The following RP1 variants were observed in gnomAD, a reference collection of about 807,000 sequenced individuals.
RP1 encodes the protein oxygen-regulated protein 1.
In RP1, 16 loss-of-function variants were observed where a neutral mutation model predicts 14.8. That is an observed-to-expected ratio of 1.08 (90% CI 0.73 to 1.65). RP1 has a LOEUF of 1.65. Among genes scored for constraint, RP1 ranks in the 40% most tolerant of loss-of-function variants. The probability of loss-of-function intolerance (pLI) is 0.00; values close to 1 mark genes in which losing one functional copy is unlikely to be tolerated. For missense variants in RP1, 2,631 were observed against 2,535.0 expected (o/e 1.04, Z -0.81); for synonymous variants, 876 against 883.6 (o/e 0.99, Z 0.15).
At chr8:54,814,854 GCA>G in intron 24 of RP1, among the ~76,000 whole-genome samples, 1 of 152,196 alleles carries the variant, frequency 6.6e-6, no homozygotes, top group East Asian at 1.9e-4. Context: ...ACACCAACAT[GCA>G]CACACTCTCT....
chr8:54,765,648 T>C (rs1809742839), intron 22 of RP1, among the ~76,000 whole-genome samples: 1 of 152,220 alleles, frequency 6.6e-6, no homozygotes, highest in South Asian at 2.1e-4. Flanking sequence ...TCCAGGGATA[T>C]TGTTACTCTT....
At chr8:54,719,312 CA>C (rs1401066603) in intron 15 of RP1, among the ~76,000 whole-genome samples, 1 of 152,038 alleles carries the variant, frequency 6.6e-6, no homozygotes, top group Non-Finnish European at 1.5e-5. Flanking sequence ...AGAACAAGAA[CA>C]GAAGATAGAA....
At chr8:54,828,227 A>T (rs1209258324) in intron 24 of RP1, among the ~76,000 whole-genome samples, 1 of 152,244 alleles carries the variant, frequency 6.6e-6, no homozygotes, top group Non-Finnish European at 1.5e-5. Context: ...CCAGTAGCAT[A>T]GTCATTTATT....
At chr8:54,566,821 G>C (rs1804418806) in intron 1 of RP1, among the ~76,000 whole-genome samples, 2 of 152,136 alleles carry the variant, frequency 1.3e-5, no homozygotes, top group African/African-American at 4.8e-5. Context: ...ATTCACAAAG[G>C]GCTCAAACCA....
At chr8:54,599,513 C>T (rs1170191934) in intron 1 of RP1, among the ~76,000 whole-genome samples, 1 of 151,086 alleles carries the variant, frequency 6.6e-6, no homozygotes, top group Non-Finnish European at 1.5e-5. Context: ...GGCTGGAATG[C>T]GGTGGCACCG....
At chr8:54,602,385 C>T (rs1585541074) in intron 1 of RP1, among the ~76,000 whole-genome samples, 1 of 152,216 alleles carries the variant, frequency 6.6e-6, no homozygotes, top group South Asian at 2.1e-4. Flanking sequence ...TTTATGGCTG[C>T]ATAGTATTCC....
chr8:54,780,371 T>G (rs1810155753), intron 23 of RP1, among the ~76,000 whole-genome samples: 1 of 152,244 alleles, frequency 6.6e-6, no homozygotes, highest in Non-Finnish European at 1.5e-5. Context: ...ACATATAAAC[T>G]GTGTGGTTTG....
intron 17 of RP1, among the ~76,000 whole-genome samples, chr8:54,729,681 T>G (rs1808744515): frequency 6.6e-6 from 1 of 152,102 alleles, no homozygotes; most frequent in Admixed American, 6.6e-5. Flanking sequence ...TATATCATTT[T>G]GTAACCTTCT....
rs12056382 is a variant in RP1, at chr8:54,618,954, C to T, written c.-12-2001C>T. The stretch of plus-strand genomic sequence containing the variant: ...GGGATTGCACGTGTGAGCCACCACG[C>T]CCGGGCCTAAAGTCTTATTTAAATA... On this transcript the variant is annotated intron_variant, in intron 1 of 3. Coordinates refer to ENST00000220676, the MANE Select transcript of RP1 (RefSeq NM_006269.2). 2.5e-3 allele frequency among the ~76,000 whole-genome samples: 379 copies of T among 152,350 alleles called. 11 individuals carry two copies. In the East Asian group the frequency reaches 0.066, roughly 26 times the overall value.
downstream of RP1, among the ~76,000 whole-genome samples, chr8:54,634,537 G>T (rs910608629): frequency 6.6e-6 from 1 of 152,044 alleles, no homozygotes; most frequent in Non-Finnish European, 1.5e-5. Context: ...TTTCTTTTTT[G>T]TCCATTTCAA....
At chr8:54,746,556 T>G (rs752193688) in intron 19 of RP1, among the ~76,000 whole-genome samples, 2 of 152,166 alleles carry the variant, frequency 1.3e-5, no homozygotes, top group Non-Finnish European at 2.9e-5. Context: ...TAACTGAACA[T>G]AGACAGATAG....
At chr8:54,612,038 T>A (rs1266268073), upstream of RP1, among the ~76,000 whole-genome samples, 1 of 152,144 alleles carries the variant, frequency 6.6e-6, no homozygotes, top group Non-Finnish European at 1.5e-5. Flanking sequence ...CCTGAGCATA[T>A]GAGATGACTT....
At chr8:54,648,888 C>A in intron 3 of RP1, 1 of 749,810 alleles carries the variant, frequency 1.3e-6, no homozygotes, top group Non-Finnish European at 1.9e-6. Flanking sequence ...TAAGTTTTGT[C>A]TATCCTGAAC....
intron 12 of RP1, among the ~76,000 whole-genome samples, chr8:54,693,746 C>A (rs992065470): frequency 6.6e-6 from 1 of 152,134 alleles, no homozygotes; most frequent in Admixed American, 6.6e-5. Context: ...TCTAGATATA[C>A]AATCATGTCA....
At chr8:54,697,660 C>A (rs1807902697) in intron 12 of RP1, among the ~76,000 whole-genome samples, 1 of 152,072 alleles carries the variant, frequency 6.6e-6, no homozygotes, top group African/African-American at 2.4e-5. Context: ...GCTACAGAAA[C>A]CAAAACAGCA....
intron 24 of RP1, among the ~76,000 whole-genome samples, chr8:54,798,611 G>A (rs376870524): frequency 2.8e-4 from 42 of 152,214 alleles, no homozygotes; most frequent in African/African-American, 9.9e-4. Flanking sequence ...GACAACAGAG[G>A]CAAAAGATCA....
intron 24 of RP1, among the ~76,000 whole-genome samples, chr8:54,827,458 T>C (rs1811409410): frequency 6.6e-6 from 1 of 151,996 alleles, no homozygotes; most frequent in Non-Finnish European, 1.5e-5. Flanking sequence ...TTCTCCCAAG[T>C]AGCTGGACTC....
intron 22 of RP1, among the ~76,000 whole-genome samples, chr8:54,761,538 T>A (rs952091763): frequency 3.9e-5 from 6 of 152,138 alleles, no homozygotes; most frequent in African/African-American, 1.2e-4. Context: ...ACCTGGCCCC[T>A]GCACTACCTT....
At chr8:54,801,598 C>T (rs1306938693) in intron 24 of RP1, among the ~76,000 whole-genome samples, 1 of 152,066 alleles carries the variant, frequency 6.6e-6, no homozygotes, top group African/African-American at 2.4e-5. Flanking sequence ...TTACTACCCC[C>T]AGCCAGAAAG....
Sources: gnomAD v4.1 joint callset for allele counts (sites outside exome capture counted in the v4.1 genomes callset) on GRCh38, gnomAD v4.1.1 for gene constraint, MANE v1.5 for transcripts, NCBI Gene and HGNC (gene_info 2026-07-23, HGNC 2026-07-21) for gene names.